Variants in STPG2 observed in about 807,000 individuals in gnomAD.
STPG2 encodes sperm-tail PG-rich repeat-containing protein 2.
Under a neutral mutation model 54.2 loss-of-function variants are expected in STPG2, and 56 were observed. That is an observed-to-expected ratio of 1.03 (90% confidence interval 0.83 to 1.29). The LOEUF (loss-of-function observed/expected upper bound fraction) is 1.29. STPG2 is among the 50% of genes most tolerant of loss of function. The pLI is 0.00. For missense variants in STPG2, 596 were observed against 544.9 expected, an observed-to-expected ratio of 1.09 and a Z score of -0.93; for synonymous variants, 200 against 181.8, an observed-to-expected ratio of 1.10 and a Z score of -0.81.
intron 9 of STPG2, among the ~76,000 whole-genome samples, chr4:97,768,819 A>G (rs957876530): frequency 1.1e-4 from 16 of 151,820 alleles, no homozygotes; most frequent in African/African-American, 3.6e-4. Flanking sequence ...CCCCTGCCTC[A>G]GCCTCCAGAG....
At chr4:97,569,020 G>A (rs1732530214) in intron 10 of STPG2, among the ~76,000 whole-genome samples, 1 of 152,002 alleles carries the variant, frequency 6.6e-6, no homozygotes, top group Non-Finnish European at 1.5e-5. Flanking sequence ...AGTCCATAAA[G>A]TGAAAGCAAG....
chr4:97,577,833 T>TTTAATTG (rs1732761157), intron 10 of STPG2, among the ~76,000 whole-genome samples: 3 of 152,196 alleles, frequency 2.0e-5, no homozygotes, highest in Admixed American at 2.0e-4. Flanking sequence ...ACTAAACTAT[T>TTTAATTG]TTAATTGTTA....
At chr4:97,647,670 C>T (rs9990450) in intron 10 of STPG2, among the ~76,000 whole-genome samples, 2 of 152,036 alleles carry the variant, frequency 1.3e-5, no homozygotes, top group Non-Finnish European at 2.9e-5. Flanking sequence ...TGGTAAGGGA[C>T]GGGCCAAGCA....
intron 4 of STPG2, among the ~76,000 whole-genome samples, chr4:97,487,014 A>G (rs1237144095): frequency 2.6e-5 from 4 of 151,408 alleles, no homozygotes; most frequent in African/African-American, 9.7e-5. Context: ...CAAACACTGT[A>G]TGTTCTCACT....
chr4:97,489,886 G>A (rs960270245), intron 4 of STPG2: 1 of 151,192 alleles, frequency 6.6e-6, no homozygotes, highest in African/African-American at 2.4e-5. Flanking sequence ...CAATTAAGGA[G>A]ACAAAAGATT....
chr4:97,881,804 T>C (rs968070058), intron 8 of STPG2, among the ~76,000 whole-genome samples: 1 of 152,164 alleles, frequency 6.6e-6, no homozygotes, highest in Non-Finnish European at 1.5e-5. Context: ...AATATCCTAA[T>C]AGTACTCCAT....
chr4:98,011,605 C>T (rs934046193), intron 5 of STPG2, among the ~76,000 whole-genome samples: 3 of 152,200 alleles, frequency 2.0e-5, no homozygotes, highest in African/African-American at 7.2e-5. Flanking sequence ...TACTTTTCCA[C>T]AGCCTCACCA....
chr4:97,675,948 G>T (rs1722826727), intron 10 of STPG2, among the ~76,000 whole-genome samples: 1 of 143,150 alleles, frequency 7.0e-6, no homozygotes, highest in African/African-American at 2.6e-5. Context: ...TATATATATA[G>T]TATATATAGT....
intron 9 of STPG2, among the ~76,000 whole-genome samples, chr4:97,756,197 G>A (rs1268594163): frequency 2.0e-5 from 3 of 151,892 alleles, no homozygotes; most frequent in African/African-American, 7.3e-5. Flanking sequence ...TTCTACCTTG[G>A]TACATTATGA....
chr4:97,686,802 T>TA (rs1723203072), intron 10 of STPG2, among the ~76,000 whole-genome samples: 1 of 152,132 alleles, frequency 6.6e-6, no homozygotes, highest in Non-Finnish European at 1.5e-5. Flanking sequence ...CCATTGCACT[T>TA]AGTGTTATGG....
rs150141518 is a variant in STPG2, at chr4:97,442,835, A to G, written c.463-255002T>C. Among the ~76,000 whole-genome samples the G allele has an allele frequency of 4.2e-3, 636 of 152,284 alleles. 3 individuals carry two copies. The highest frequency in any genetic ancestry group is 0.02 in the South Asian group (97 of 4,828). The stretch of plus-strand genomic sequence containing the variant: ...AAATCTGCAAGTAAGTTTAATAAAT[A>G]TATTTCCTTAAAAGGGTGTGTGCTT... On this transcript the variant is annotated intron_variant, in intron 4 of 4. Transcript: ENST00000522676.
chr4:98,025,820 T>C, intron 5 of STPG2: 2 of 1,593,354 alleles, frequency 1.3e-6, no homozygotes, highest in Non-Finnish European at 1.7e-6. Flanking sequence ...TACCTGCTAT[T>C]TGGATGCAGG....
intron 5 of STPG2, among the ~76,000 whole-genome samples, chr4:97,998,671 G>A (rs1168418397): frequency 1.3e-5 from 2 of 152,132 alleles, no homozygotes; most frequent in African/African-American, 4.8e-5. Context: ...GTTTTGGAGT[G>A]GTTTGCATCA....
rs187585906 is a variant in STPG2 at position 97,820,606 on chromosome 4, A to G, written c.1204+20167T>C. On this transcript the variant is annotated intron_variant, in intron 9 of 10. Transcript: ENST00000295268. Reference sequence around the variant, plus strand: ...GCCATTCTTCCATTGCTATAAAAATATACCTGAGACTGTGTAATTTATAAA... The same window carrying G: ...GCCATTCTTCCATTGCTATAAAAATGTACCTGAGACTGTGTAATTTATAAA... 8.5e-5 allele frequency among the ~76,000 whole-genome samples: 13 copies of G among 152,356 alleles called. No individual in the cohort carries two copies. In the East Asian group the frequency reaches 2.5e-3, roughly 29 times the overall value.
intron 5 of STPG2, among the ~76,000 whole-genome samples, chr4:98,092,574 A>G (rs1738724220): frequency 6.6e-6 from 1 of 152,098 alleles, no homozygotes; most frequent in South Asian, 2.1e-4. Flanking sequence ...TAAAGAAAAA[A>G]ACACAGAAAG....
intron 10 of STPG2, among the ~76,000 whole-genome samples, chr4:97,579,272 A>C (rs1732802182): frequency 6.6e-6 from 1 of 152,088 alleles, no homozygotes; most frequent in Non-Finnish European, 1.5e-5. Flanking sequence ...ATATGTGAAT[A>C]CACATACATA....
chr4:97,740,859 A>G (rs546490612), intron 9 of STPG2, among the ~76,000 whole-genome samples: 40 of 152,290 alleles, frequency 2.6e-4, no homozygotes, highest in African/African-American at 8.9e-4. Flanking sequence ...TTGGAAAAAA[A>G]CTACTTTAAA....
In STPG2 at chr4:97,779,791, A is replaced by G. The variant is rs942205945; in HGVS notation, c.1204+60982T>C. Reference sequence around the variant, plus strand: ...GGGCCAATATACAACGTTCTTAAAGAAAAGAATTTTCAACCTAGAAATTCA... The same window carrying G: ...GGGCCAATATACAACGTTCTTAAAGGAAAGAATTTTCAACCTAGAAATTCA... On this transcript the variant is annotated intron_variant, in intron 9 of 10. Transcript: ENST00000295268. Among the ~76,000 whole-genome samples, 13 of 152,340 alleles carry G rather than the reference A, an allele frequency of 8.5e-5. 1 individual carries two copies. In the East Asian group the frequency reaches 1.2e-3, roughly 14 times the overall value.
chr4:97,923,334 C>T (rs1361358598), intron 8 of STPG2, among the ~76,000 whole-genome samples: 1 of 150,984 alleles, frequency 6.6e-6, no homozygotes, highest in Non-Finnish European at 1.5e-5. Context: ...GTGTGGCCCA[C>T]CTCCCCGACA....
Sources: gnomAD v4.1 joint callset for allele counts (sites outside exome capture counted in the v4.1 genomes callset) on GRCh38, gnomAD v4.1.1 for gene constraint, MANE v1.5 for transcripts, NCBI Gene and HGNC (gene_info 2026-07-23, HGNC 2026-07-21) for gene names.